Variants in EXOC1L observed in about 807,000 individuals in gnomAD.
EXOC1L encodes exocyst complex component 1-like.
Under a neutral mutation model 4.9 loss-of-function variants are expected in EXOC1L, and 10 were observed. The observed-to-expected ratio is 2.02, with a 90% CI of 1.25 to 3.43. The LOEUF (loss-of-function observed/expected upper bound fraction) is 3.43, where lower values mean the gene tolerates loss of function less well. EXOC1L is among the 30% of genes most tolerant of loss of function. EXOC1L has a pLI of 0.00. For missense variants in EXOC1L, 114 were observed against 59.4 expected, an observed-to-expected ratio of 1.92 and a Z score of -3.02; for synonymous variants, 41 against 20.8, an observed-to-expected ratio of 1.97 and a Z score of -2.63.
chr4:55,825,296 C>T (rs536313785), intron 1 of EXOC1L, among the ~76,000 whole-genome samples: 11 of 152,234 alleles, frequency 7.2e-5, no homozygotes, highest in African/African-American at 2.2e-4. Context: ...AGGTTTTTTT[C>T]GACTTTACCA....
intron 2 of EXOC1L, among the ~76,000 whole-genome samples, chr4:55,836,596 A>G (rs1300111319): frequency 6.6e-6 from 1 of 151,940 alleles, no homozygotes; most frequent in East Asian, 1.9e-4. Flanking sequence ...CTTCAAAAGT[A>G]ATTCCTTGCT....
chr4:55,824,416 G>T lies in EXOC1L; in HGVS notation c.121+4269G>T, dbSNP rs375623727. Among the ~76,000 whole-genome samples the T allele has an allele frequency of 2.0e-4, 30 of 152,028 alleles. 1 individual carries two copies. The highest frequency in any genetic ancestry group is 1.0e-3 in the Admixed American group (16 of 15,256). ...CTCACTTTGACACCCAGGCTGGAGT[G>T]CAGTGGCCTGATCTTGGCTCACTGC... On this transcript the variant is annotated intron_variant, in intron 1 of 2. Transcript: ENST00000636125.
chr4:55,830,290 C>A (rs1277638847), intron 1 of EXOC1L, among the ~76,000 whole-genome samples: 1 of 152,144 alleles, frequency 6.6e-6, no homozygotes, highest in East Asian at 1.9e-4. Flanking sequence ...ACAGAACCAG[C>A]TTGCAACTCT....
chr4:55,836,798 CAAT>C (rs1223694336), intron 2 of EXOC1L, among the ~76,000 whole-genome samples: 3 of 151,874 alleles, frequency 2.0e-5, no homozygotes, highest in Non-Finnish European at 4.4e-5. Context: ...TCATCCTCTC[CAAT>C]TCATTACATT....
At chr4:55,833,115 T>C (rs1357060976) in intron 2 of EXOC1L, among the ~76,000 whole-genome samples, 1 of 151,978 alleles carries the variant, frequency 6.6e-6, no homozygotes, top group Non-Finnish European at 1.5e-5. Context: ...TAACACCTTT[T>C]TGACAATATG....
intron 2 of EXOC1L, among the ~76,000 whole-genome samples, 196 bp from the exon 3 acceptor site, chr4:55,836,888 AC>A (rs1242682403): frequency 6.6e-6 from 1 of 151,954 alleles, no homozygotes; most frequent in Non-Finnish European, 1.5e-5. Flanking sequence ...TTCAAAAATA[AC>A]CTTTCTTATT....
At position 55,823,155 on chromosome 4, in the gene EXOC1L, A is replaced by G. The variant is rs185159711; in HGVS notation, c.121+3008A>G. On this transcript the variant is annotated intron_variant, in intron 1 of 2. Transcript: ENST00000636125. ...AAATGGCATTTGCTAGAATTATAAA[A>G]ATAATATGCATAAATTCTCTATACA... Among the ~76,000 whole-genome samples the G allele has an allele frequency of 2.6e-5, 4 of 152,180 alleles. No homozygotes were observed. The East Asian group carries it at 7.7e-4, about 29-fold the overall frequency.
chr4:55,828,478 C>T (rs1377942590), intron 1 of EXOC1L, among the ~76,000 whole-genome samples: 1 of 152,198 alleles, frequency 6.6e-6, no homozygotes, highest in East Asian at 1.9e-4. Flanking sequence ...GACGTCTTTC[C>T]TGGCATCTAT....
Position 55,831,477 on chromosome 4 carries a change from T to A in EXOC1L, c.252+13T>A. On this transcript the variant is annotated intron_variant, in intron 2 of 2. Transcript: ENST00000636125. ...AGAAGCAGATACTGTAAGTGTTACATTTTATAAGGAGATGTGGAATCAATA... is the reference window on the plus strand; with the variant it reads ...AGAAGCAGATACTGTAAGTGTTACAATTTATAAGGAGATGTGGAATCAATA... The A allele has an allele frequency of 1.5e-6, 1 of 673,330 alleles. No homozygotes were observed. The highest frequency in any genetic ancestry group is 1.8e-5 in the African/African-American group (1 of 55,602). 41.7% of individuals were successfully genotyped at this position (673,330 alleles called of 1,614,324 possible).
rs1404338162 is a variant in EXOC1L, at chr4:55,837,422, TTTTG to T, written c.*75_*78del. On this transcript the variant is annotated 3_prime_UTR_variant, in exon 3 of 3. Transcript: ENST00000636125. ...CCCAAGTAAATATTGATTGTCATAA[TTTTG>T]TTTTTCCTTCATCAGTGATTATTAT... The T allele has an allele frequency of 2.3e-6, 1 of 439,826 alleles. No homozygotes were observed. The highest frequency in any genetic ancestry group is 2.0e-5 in the African/African-American group (1 of 49,538). The allele number at this position is 439,826 out of a possible 1,614,324, so 27.2% of individuals were successfully genotyped here. A position where few individuals can be genotyped will look rare whatever the true frequency, so the allele number is the denominator to read the frequency against.
At chr4:55,832,737 A>AT (rs753956778) in intron 2 of EXOC1L, among the ~76,000 whole-genome samples, 3 of 152,070 alleles carry the variant, frequency 2.0e-5, no homozygotes, top group Non-Finnish European at 4.4e-5. Context: ...TGACATAGCT[A>AT]TTAAGTGGTA....
At chr4:55,834,806 GT>G (rs1286343733) in intron 2 of EXOC1L, among the ~76,000 whole-genome samples, 11 of 151,748 alleles carry the variant, frequency 7.2e-5, no homozygotes, top group Admixed American at 2.0e-4. Flanking sequence ...TATGATTATG[GT>G]TTTTTTAATT....
chr4:55,820,634 C>T (rs1172217885), intron 1 of EXOC1L, among the ~76,000 whole-genome samples: 1 of 152,200 alleles, frequency 6.6e-6, no homozygotes, highest in Non-Finnish European at 1.5e-5. Flanking sequence ...GGGCTTTAGA[C>T]TTCTTGTGGT....
intron 1 of EXOC1L, among the ~76,000 whole-genome samples, chr4:55,826,817 A>T (rs115459278): frequency 6.6e-6 from 1 of 152,222 alleles, no homozygotes. Context: ...GGCTAAAGAC[A>T]ATTCTTGGAG....
chr4:55,821,679 G>C (rs1394260645), intron 1 of EXOC1L, among the ~76,000 whole-genome samples: 3 of 151,976 alleles, frequency 2.0e-5, no homozygotes, highest in Non-Finnish European at 4.4e-5. Flanking sequence ...AGATTTAAAT[G>C]TTTGGAAATA....
At chr4:55,828,698 G>A (rs899405019) in intron 1 of EXOC1L, among the ~76,000 whole-genome samples, 2 of 152,084 alleles carry the variant, frequency 1.3e-5, no homozygotes, top group Non-Finnish European at 2.9e-5. Flanking sequence ...AAAAAAATTA[G>A]CCAGGCATAG....
intron 1 of EXOC1L, among the ~76,000 whole-genome samples, chr4:55,829,818 A>G (rs1170992517): frequency 3.3e-5 from 5 of 152,226 alleles, no homozygotes; most frequent in Non-Finnish European, 7.3e-5. Context: ...CACTCCATCC[A>G]GAAAAGAGAA....
chr4:55,820,449 G>T (rs1206589092), intron 1 of EXOC1L, among the ~76,000 whole-genome samples: 3 of 152,112 alleles, frequency 2.0e-5, no homozygotes, highest in African/African-American at 7.2e-5. Context: ...CATTTGCATG[G>T]CATGCAATTT....
chr4:55,837,451 T>A lies in EXOC1L; in HGVS notation c.*100T>A. The stretch of plus-strand genomic sequence containing the variant: ...GTTTTTCCTTCATCAGTGATTATTA[T>A]AATTTAAATAAAAATAAAGTAATGC... On this transcript the variant is annotated 3_prime_UTR_variant, in exon 3 of 3. Coordinates refer to ENST00000636125, the MANE Select transcript of EXOC1L (RefSeq NM_001351574.3). 4.5e-6 allele frequency: 2 copies of A among 441,224 alleles called. No homozygotes were observed. The highest frequency in any genetic ancestry group is 8.0e-6 in the Non-Finnish European group (2 of 249,792). The allele number at this position is 441,224 out of a possible 1,614,324, so 27.3% of individuals were successfully genotyped here. A position where few individuals can be genotyped will look rare whatever the true frequency, so the allele number is the denominator to read the frequency against.
Sources: gnomAD v4.1 joint callset for allele counts (sites outside exome capture counted in the v4.1 genomes callset) on GRCh38, gnomAD v4.1.1 for gene constraint, MANE v1.5 for transcripts, NCBI Gene and HGNC (gene_info 2026-07-23, HGNC 2026-07-21) for gene names.